LYPD4: variants seen among roughly 807,000 people sequenced by gnomAD.
The protein encoded by LYPD4 is ly6/PLAUR domain-containing protein 4.
Under a neutral mutation model 18.2 loss-of-function variants are expected in LYPD4, and 20 were observed. The ratio of observed to expected loss-of-function variants is 1.10; its 90% confidence interval spans 0.77 to 1.59. The LOEUF (loss-of-function observed/expected upper bound fraction) is 1.59. LYPD4 is among the 40% of genes most tolerant of loss of function. LYPD4 has a pLI of 0.00. For missense variants in LYPD4, 278 were observed against 300.3 expected, an observed-to-expected ratio of 0.93 and a Z score of 0.55; for synonymous variants, 111 against 118.3, an observed-to-expected ratio of 0.94 and a Z score of 0.40.
chr19:41,844,570 A>G lies in LYPD4; in HGVS notation c.-1113T>C, dbSNP rs1348678623. ...CAGGAGTTGTGGGGCACCGGAAGAG[A>G]CATAACAGAAAACGCAGGCCTCCAC... is the stretch of plus-strand genomic sequence containing the variant. On this transcript the variant is annotated 5_prime_UTR_variant, in exon 1 of 5. Transcript: ENST00000609812. The G allele has an allele frequency of 1.3e-5, 2 of 152,438 alleles. No homozygotes were observed. Among genetic ancestry groups the G allele is most frequent in the South Asian group, 4.1e-4 (2 of 4,826 alleles). The allele number at this position is 152,438 out of a possible 1,614,324, so 9.4% of individuals were successfully genotyped here. A position where few individuals can be genotyped will look rare whatever the true frequency, so the allele number is the denominator to read the frequency against.
chr19:41,838,534 C>G (rs2073456021), intron 3 of LYPD4, among the ~76,000 whole-genome samples: 1 of 152,100 alleles, frequency 6.6e-6, no homozygotes, highest in Non-Finnish European at 1.5e-5. Flanking sequence ...ATTCTACCCA[C>G]TTACCCAGCC....
chr19:41,835,906 T>C, downstream of LYPD4: 2 of 879,196 alleles, frequency 2.3e-6, no homozygotes, highest in Non-Finnish European at 2.7e-6. Flanking sequence ...TTAATAAGGT[T>C]GTAGTAAGGA....
chr19:41,839,550 C>T (rs1176870144), intron 1 of LYPD4, 145 bp from the exon 2 acceptor site: 2 of 508,014 alleles, frequency 3.9e-6, no homozygotes. Context: ...AGGACTCTCA[C>T]TCTCCCACTT....
In LYPD4 at chr19:41,837,160, A is replaced by G; in HGVS notation, c.724T>C (p.Phe242Leu). 6.2e-7 allele frequency: 1 copy of G among 1,613,996 alleles called. No individual in the cohort carries two copies. The highest frequency in any genetic ancestry group is 1.7e-4 in the Middle Eastern group (1 of 6,044). The change falls in exon 5 of 5, where the codon TTT becomes CTT. Residue 242 changes from phenylalanine to leucine, a missense_variant. Phe to Leu is a conservative substitution (Grantham distance 22, BLOSUM62 0). Transcript: ENST00000609812. ...PAWGVVLGLL[F>L]AFRD ...CTAGATGGTCAGTCCCTGAAGGCAA[A>G]CAGGAGGCCTAAGACGACACCCCAA...
At chr19:41,837,445 G>A (rs2073404430) in intron 4 of LYPD4, 100 bp from the exon 5 acceptor site, 2 of 1,314,040 alleles carry the variant, frequency 1.5e-6, no homozygotes, top group Non-Finnish European at 2.2e-6. Flanking sequence ...CAGCACTTTG[G>A]GAGGCCGAGG....
chr19:41,840,426 A>G (rs1427456030), intron 1 of LYPD4, among the ~76,000 whole-genome samples: 4 of 152,164 alleles, frequency 2.6e-5, no homozygotes, highest in Non-Finnish European at 4.4e-5. Context: ...CTCATATACT[A>G]TGGTTATATA....
At chr19:41,841,761 G>A (rs190829315) in intron 1 of LYPD4, among the ~76,000 whole-genome samples, 8 of 152,100 alleles carry the variant, frequency 5.3e-5, no homozygotes, top group African/African-American at 1.9e-4. Context: ...AGACTGGTAA[G>A]GATCAGAAAG....
intron 1 of LYPD4, among the ~76,000 whole-genome samples, chr19:41,841,705 C>G (rs1319732587): frequency 2.0e-5 from 3 of 151,438 alleles, no homozygotes; most frequent in East Asian, 3.9e-4. Flanking sequence ...ATGCACAAAC[C>G]CAGCAATAAC....
At chr19:41,836,851 G>C (rs1465405424), downstream of LYPD4, among the ~76,000 whole-genome samples, 2 of 152,128 alleles carry the variant, frequency 1.3e-5, no homozygotes, top group Non-Finnish European at 2.9e-5. Flanking sequence ...GATTTGGCCA[G>C]GGTCTCGGAA....
rs2073686953 is a variant in LYPD4 at position 41,843,065 on chromosome 19, AAAAAAAAAAAAAC to A, written c.-121+500_-121+512del. ...AAAAAAAAAAAAAAAAAAAAAAAAA[AAAAAAAAAAAAAC>A]CCCAACAACAACACTACACACATCC... On this transcript the variant is annotated intron_variant, in intron 1 of 4. Coordinates refer to ENST00000609812, the MANE Select transcript of LYPD4 (RefSeq NM_173506.7). Among the ~76,000 whole-genome samples, 73 of 39,476 alleles carry A rather than the reference AAAAAAAAAAAAAC, an allele frequency of 1.8e-3. 12 individuals are homozygous for A. Among genetic ancestry groups the A allele is most frequent in the Non-Finnish European group, 2.7e-3 (51 of 18,852 alleles). The allele number at this position is 39,476 out of a possible 152,430, so 25.9% of individuals were successfully genotyped here.
upstream of LYPD4, chr19:41,844,770 C>T: frequency 6.6e-6 from 1 of 152,398 alleles, no homozygotes; most frequent in Non-Finnish European, 1.5e-5. Flanking sequence ...GCCCCATTGG[C>T]CACCTGCCTC....
In LYPD4 at chr19:41,843,934, AAGG is replaced by A. The variant is rs2073744077; in HGVS notation, c.-480_-478del. ...AAAAAAAAAAAAAAAAAAAAAAAAA[AAGG>A]ATGGAGCAGTAGTCAGAGGGGATGC... is the stretch of plus-strand genomic sequence containing the variant. On this transcript the variant is annotated 5_prime_UTR_variant, in exon 1 of 5. Coordinates refer to ENST00000609812, the MANE Select transcript of LYPD4 (RefSeq NM_173506.7). 1 of 145,060 alleles carries A rather than the reference AAGG, an allele frequency of 6.9e-6. No homozygotes were observed. The highest frequency in any genetic ancestry group is 2.5e-5 in the African/African-American group (1 of 39,666). The allele number at this position is 145,060 out of a possible 1,614,324, so 9.0% of individuals were successfully genotyped here.
intron 1 of LYPD4, among the ~76,000 whole-genome samples, chr19:41,842,055 G>A (rs980267161): frequency 6.6e-6 from 1 of 152,064 alleles, no homozygotes; most frequent in Non-Finnish European, 1.5e-5. Flanking sequence ...CAATAATGCA[G>A]CATTTTTTTT....
chr19:41,841,665 CAAAAAAAA>C (rs587607752), intron 1 of LYPD4, among the ~76,000 whole-genome samples: 1 of 85,574 alleles, frequency 1.2e-5, no homozygotes, highest in African/African-American at 5.1e-5. Context: ...GACCCTGTCT[CAAAAAAAA>C]AAAAAAAAAA....
In LYPD4 at chr19:41,844,618, G is replaced by T. The variant is rs1209401700; in HGVS notation, c.-1161C>A. On this transcript the variant is annotated 5_prime_UTR_variant, in exon 1 of 5. Transcript: ENST00000609812. ...CACTCAGCAAAAACAAGCCACGCGC[G>T]AAGTCGAGGTACAAGGCAAGGGAAG... is the stretch of plus-strand genomic sequence containing the variant. 2 of 152,358 alleles carry T rather than the reference G, an allele frequency of 1.3e-5. No homozygotes were observed. The highest frequency in any genetic ancestry group is 4.8e-5 in the African/African-American group (2 of 41,436). 9.4% of individuals were successfully genotyped at this position (152,358 alleles called of 1,614,324 possible). A position where few individuals can be genotyped will look rare whatever the true frequency, so the allele number is the denominator to read the frequency against.
At chr19:41,836,090 T>TCACACACA (rs55892959), downstream of LYPD4, 1 of 147,336 alleles carries the variant, frequency 6.8e-6, no homozygotes, top group South Asian at 2.2e-4. Flanking sequence ...AAACTCTGTC[T>TCACACACA]CACACACACA....
chr19:41,838,618 G>A (rs1483327790), intron 3 of LYPD4, among the ~76,000 whole-genome samples: 1 of 152,074 alleles, frequency 6.6e-6, no homozygotes, highest in Non-Finnish European at 1.5e-5. Flanking sequence ...ATGATGGCCA[G>A]GCACAGTGGC....
At chr19:41,840,574 T>A (rs577904275) in intron 1 of LYPD4, among the ~76,000 whole-genome samples, 1 of 152,330 alleles carries the variant, frequency 6.6e-6, no homozygotes, top group African/African-American at 2.4e-5. Flanking sequence ...ATCTCCCGCC[T>A]GTAATCCCAG....
At chr19:41,841,536 C>T (rs530498965) in intron 1 of LYPD4, among the ~76,000 whole-genome samples, 29 of 151,164 alleles carry the variant, frequency 1.9e-4, no homozygotes, top group Non-Finnish European at 2.8e-4. Context: ...TGTGGTGGTA[C>T]GTGCCTGCAG....
Sources: gnomAD v4.1 joint callset for allele counts (sites outside exome capture counted in the v4.1 genomes callset) on GRCh38, gnomAD v4.1.1 for gene constraint, MANE v1.5 for transcripts, NCBI Gene and HGNC (gene_info 2026-07-23, HGNC 2026-07-21) for gene names.